Variants in TRPM3 observed in about 807,000 individuals in gnomAD.
TRPM3 encodes the protein long transient receptor potential channel 3.
TRPM3 carries 77 observed loss-of-function variants against 181.2 expected under a neutral mutation model. That is an observed-to-expected ratio of 0.42 (90% confidence interval 0.35 to 0.51). The LOEUF is 0.51. Among genes scored for constraint, TRPM3 ranks in the 20% least tolerant of loss-of-function variants. TRPM3 has a pLI of 0.01. For synonymous variants in TRPM3, 745 were observed against 796.4 expected (o/e 0.94, Z 1.09); for missense variants, 1,759 against 2,196.7 (o/e 0.80, Z 3.98).
chr9:70,643,599 G>C (rs1395206902), intron 9 of TRPM3, among the ~76,000 whole-genome samples: 1 of 152,216 alleles, frequency 6.6e-6, no homozygotes, highest in Non-Finnish European at 1.5e-5. Flanking sequence ...AGCCATCCAG[G>C]CTTGCCCAGT....
chr9:70,851,157 C>CA (rs1465439163), intron 3 of TRPM3, among the ~76,000 whole-genome samples: 10 of 151,702 alleles, frequency 6.6e-5, no homozygotes, highest in Middle Eastern at 3.2e-3. Flanking sequence ...ACTCTGTCTC[C>CA]AAAAAACAGA....
At chr9:71,144,848 TTGG>T (rs2075318219) in intron 1 of TRPM3, among the ~76,000 whole-genome samples, 1 of 152,164 alleles carries the variant, frequency 6.6e-6, no homozygotes, top group Non-Finnish European at 1.5e-5. Context: ...ATGAACAGCA[TTGG>T]TGTTTTTATT....
At chr9:71,147,624 A>C (rs2075495547) in intron 1 of TRPM3, among the ~76,000 whole-genome samples, 1 of 152,222 alleles carries the variant, frequency 6.6e-6, no homozygotes, top group Admixed American at 6.5e-5. Context: ...TGATTCTTTT[A>C]AACGAATCTC....
At chr9:70,969,745 A>C (rs2097219678) in intron 1 of TRPM3, among the ~76,000 whole-genome samples, 1 of 108,084 alleles carries the variant, frequency 9.3e-6, no homozygotes, top group Non-Finnish European at 2.0e-5. Context: ...TGTTGTGAAG[A>C]CTGAATGATT....
At position 70,567,829 on chromosome 9, in the gene TRPM3, C is replaced by G. The variant is rs1277375027; in HGVS notation, c.3224-14519G>C. Among the ~76,000 whole-genome samples, 3 of 152,186 alleles carry G rather than the reference C, an allele frequency of 2.0e-5. No homozygotes were observed. In the East Asian group the frequency reaches 5.8e-4, roughly 29 times the overall value. ...CTTAGGGAGTTTATAAAAGAATGTTCTGTCTTCCTTTCTCTACATCTTGTG... is the reference window on the plus strand; with the variant it reads ...CTTAGGGAGTTTATAAAAGAATGTTGTGTCTTCCTTTCTCTACATCTTGTG... On this transcript the variant is annotated intron_variant, in intron 22 of 25. Transcript: ENST00000677713.
chr9:70,620,954 A>G (rs1192874639), intron 15 of TRPM3, among the ~76,000 whole-genome samples: 1 of 149,728 alleles, frequency 6.7e-6, no homozygotes, highest in Non-Finnish European at 1.5e-5. Flanking sequence ...TGCATTGCAG[A>G]TATAACCTCA....
intron 6 of TRPM3, among the ~76,000 whole-genome samples, chr9:70,814,021 G>A (rs1174267508): frequency 2.0e-5 from 3 of 152,170 alleles, no homozygotes; most frequent in Non-Finnish European, 2.9e-5. Flanking sequence ...AGATGCACCA[G>A]CAAATACAGT....
chr9:70,610,834 G>C, intron 18 of TRPM3, 85 bp from the exon 19 acceptor site: 2 of 1,514,160 alleles, frequency 1.3e-6, no homozygotes, highest in Non-Finnish European at 1.8e-6. Flanking sequence ...ATGAGGAAAG[G>C]ATGCTCATAG....
At chr9:70,686,699 T>TAGAAAC (rs375403711) in intron 8 of TRPM3, among the ~76,000 whole-genome samples, 1 of 78,690 alleles carries the variant, frequency 1.3e-5, no homozygotes, top group Non-Finnish European at 2.6e-5. Flanking sequence ...CCTTCCTTCC[T>TAGAAAC]TCCTTCCTTC....
Position 70,533,534 on chromosome 9 carries a change from T to G in TRPM3, c.*2419A>C, listed in dbSNP as rs1314775639. ...TGGTTCCTTTCCCTCATAATCAATA[T>G]AGAACCAGGGGCTCATGAACCCTTT... On this transcript the variant is annotated 3_prime_UTR_variant, in exon 26 of 26. Coordinates refer to ENST00000677713, the MANE Select transcript of TRPM3 (RefSeq NM_001366145.2). 2 of 152,160 alleles carry G rather than the reference T, an allele frequency of 1.3e-5. No homozygotes were observed. The highest frequency in any genetic ancestry group is 4.8e-5 in the African/African-American group (2 of 41,434). The allele number at this position is 152,160 out of a possible 1,614,324, so 9.4% of individuals were successfully genotyped here. A position where few individuals can be genotyped will look rare whatever the true frequency, so the allele number is the denominator to read the frequency against.
intron 1 of TRPM3, among the ~76,000 whole-genome samples, chr9:71,060,711 A>T (rs1288077264): frequency 6.6e-6 from 1 of 152,116 alleles, no homozygotes. Context: ...TCCATATGGG[A>T]CAGGGCAAGC....
chr9:70,898,822 C>A (rs1282269636), intron 1 of TRPM3, among the ~76,000 whole-genome samples: 1 of 151,288 alleles, frequency 6.6e-6, no homozygotes, highest in Non-Finnish European at 1.5e-5. Context: ...TCTACTTCTG[C>A]AAATTTAAAA....
At chr9:71,420,807 GAA>G (rs1460680960) in intron 1 of TRPM3, among the ~76,000 whole-genome samples, 2 of 11,572 alleles carry the variant, frequency 1.7e-4, no homozygotes, top group African/African-American at 2.4e-4. Flanking sequence ...AAGAAAGAGA[GAA>G]AGAAAGAGAG....
At chr9:71,246,772 A>C (rs570392304) in intron 1 of TRPM3, among the ~76,000 whole-genome samples, 1 of 152,344 alleles carries the variant, frequency 6.6e-6, no homozygotes, top group African/African-American at 2.4e-5. Context: ...TATCAGGAAG[A>C]TTTAGTTATA....
intron 1 of TRPM3, among the ~76,000 whole-genome samples, chr9:71,165,671 T>G (rs1470411617): frequency 6.6e-6 from 1 of 152,144 alleles, no homozygotes; most frequent in Non-Finnish European, 1.5e-5. Context: ...TCAGATTTCC[T>G]GAGTGTGCGC....
chr9:70,633,358 G>T (rs954777678), intron 12 of TRPM3, among the ~76,000 whole-genome samples: 14 of 152,196 alleles, frequency 9.2e-5, no homozygotes, highest in Non-Finnish European at 1.8e-4. Flanking sequence ...AAACCGGAAG[G>T]TTCAAAGGAA....
intron 1 of TRPM3, among the ~76,000 whole-genome samples, chr9:71,042,089 G>A (rs886092657): frequency 1.3e-5 from 2 of 152,070 alleles, no homozygotes; most frequent in African/African-American, 2.4e-5. Flanking sequence ...CAGTTTTGGA[G>A]CTCAGAAATC....
intron 1 of TRPM3, among the ~76,000 whole-genome samples, chr9:71,147,222 T>G (rs1237614579): frequency 6.6e-6 from 1 of 152,198 alleles, no homozygotes; most frequent in East Asian, 1.9e-4. Flanking sequence ...GATAGCTTCA[T>G]GGATTTCTTA....
chr9:71,355,372 A>T (rs2091853205), intron 1 of TRPM3, among the ~76,000 whole-genome samples: 1 of 152,216 alleles, frequency 6.6e-6, no homozygotes, highest in African/African-American at 2.4e-5. Context: ...TGCCATGTAA[A>T]GACAGAGGCA....
Sources: allele counts gnomAD v4.1 joint callset (sites outside exome capture counted in the v4.1 genomes callset), GRCh38; gene constraint gnomAD v4.1.1; transcripts MANE v1.5; gene names NCBI Gene and HGNC (gene_info 2026-07-23, HGNC 2026-07-21).